ADGRV1: variants seen among roughly 807,000 people sequenced by gnomAD.
ADGRV1 encodes the protein adhesion G protein-coupled receptor V1, also known as G-protein coupled receptor 98.
Under a neutral mutation model 596.2 loss-of-function variants are expected in ADGRV1, and 359 were observed. The ratio of observed to expected loss-of-function variants is 0.60; its 90% CI spans 0.55 to 0.66. The LOEUF (loss-of-function observed/expected upper bound fraction) is 0.66. Among genes scored for constraint, ADGRV1 ranks in the 30% least tolerant of loss-of-function variants. ADGRV1 has a pLI of 0.00. For synonymous variants in ADGRV1, 2,681 were observed against 2,679.2 expected (o/e 1.00, Z -0.02); for missense variants, 7,274 against 7,575.6 (o/e 0.96, Z 1.48).
At chr5:90,897,026 G>A (rs1771394408) in intron 83 of ADGRV1, among the ~76,000 whole-genome samples, 2 of 152,314 alleles carry the variant, frequency 1.3e-5, no homozygotes, top group African/African-American at 4.8e-5. Flanking sequence ...TTTAGGGAGT[G>A]AAGTGATTCT....
chr5:90,835,727 C>G (rs1299712388), intron 77 of ADGRV1, among the ~76,000 whole-genome samples: 1 of 152,158 alleles, frequency 6.6e-6, no homozygotes, highest in Non-Finnish European at 1.5e-5. Flanking sequence ...AAAGAAAAGA[C>G]CCTCCAGCCC....
At chr5:90,577,233 G>A (rs949523183) in intron 1 of ADGRV1, among the ~76,000 whole-genome samples, 3 of 152,036 alleles carry the variant, frequency 2.0e-5, no homozygotes, top group Admixed American at 2.0e-4. Context: ...TTTCTTCTAG[G>A]GTTTTTATGG....
chr5:90,718,712 T>C (rs936247004), intron 43 of ADGRV1, among the ~76,000 whole-genome samples: 10 of 151,948 alleles, frequency 6.6e-5, no homozygotes, highest in African/African-American at 1.2e-4. Context: ...ATATAAAAAT[T>C]CAAATTTGAA....
At chr5:91,009,407 G>A (rs531413985) in intron 85 of ADGRV1, among the ~76,000 whole-genome samples, 182 of 152,200 alleles carry the variant, frequency 1.2e-3, no homozygotes, top group African/African-American at 3.8e-3. Flanking sequence ...ACAAGACAAG[G>A]CAAATAATAC....
chr5:90,983,030 G>A (rs1780207605), intron 84 of ADGRV1, among the ~76,000 whole-genome samples: 1 of 152,102 alleles, frequency 6.6e-6, no homozygotes, highest in Non-Finnish European at 1.5e-5. Flanking sequence ...TTACATTCTA[G>A]TATTTCTAGT....
At chr5:90,960,743 G>A (rs1777934501) in intron 83 of ADGRV1, among the ~76,000 whole-genome samples, 1 of 152,102 alleles carries the variant, frequency 6.6e-6, no homozygotes, top group South Asian at 2.1e-4. Flanking sequence ...TTCAACCTGG[G>A]AAGATGAGAA....
At chr5:91,095,206 AT>A (rs561153977) in intron 86 of ADGRV1, among the ~76,000 whole-genome samples, 207 of 147,248 alleles carry the variant, frequency 1.4e-3, no homozygotes, top group Middle Eastern at 3.5e-3. Flanking sequence ...CAAACCCAGT[AT>A]TTTTTTTTTT....
chr5:90,736,237 T>C (rs1270735079), intron 50 of ADGRV1, among the ~76,000 whole-genome samples: 2 of 152,076 alleles, frequency 1.3e-5, no homozygotes, highest in Non-Finnish European at 2.9e-5. Context: ...GATTATTTGG[T>C]TTTTCTTCTT....
At position 90,628,659 on chromosome 5, in the gene ADGRV1, A is replaced by G; in HGVS notation, c.1336A>G (p.Thr446Ala). The G allele has an allele frequency of 6.2e-7, 1 of 1,614,036 alleles. No homozygotes were observed. The highest frequency in any genetic ancestry group is 8.5e-7 in the Non-Finnish European group (1 of 1,179,886). ...TRNSTDPSPV[T>A]ADIRPSSGVL... ...GAACAGCACTGATCCCTCACCAGTA[A>G]CAGCAGATATCAGACCGAGCTCTGG... The change falls in exon 8 of 90, where the codon ACA (threonine) becomes GCA (alanine). Residue 446 changes from threonine (T) to alanine (A), a missense_variant. Physicochemically the swap from Thr to Ala is moderately conservative, Grantham distance 58. Transcript: ENST00000405460.
chr5:90,732,417 T>C (rs926056353), intron 50 of ADGRV1, among the ~76,000 whole-genome samples: 3 of 152,352 alleles, frequency 2.0e-5, no homozygotes, highest in Middle Eastern at 3.4e-3. Flanking sequence ...ATTTCCTCAA[T>C]TGAGCTAATT....
chr5:90,981,820 C>A (rs1295548381), intron 84 of ADGRV1, among the ~76,000 whole-genome samples: 1 of 152,224 alleles, frequency 6.6e-6, no homozygotes, highest in Non-Finnish European at 1.5e-5. Flanking sequence ...CAGAAGTGCA[C>A]AGGGAGCCTG....
At chr5:90,754,386 A>C (rs1364393083) in intron 54 of ADGRV1, among the ~76,000 whole-genome samples, 8 of 152,224 alleles carry the variant, frequency 5.3e-5, no homozygotes, top group Admixed American at 5.2e-4. Context: ...ATGGACATCC[A>C]GCTTTCAAGT....
chr5:90,640,534 G>A (rs1044575460), intron 11 of ADGRV1, among the ~76,000 whole-genome samples: 3 of 152,156 alleles, frequency 2.0e-5, no homozygotes. Context: ...GGCAGGCACA[G>A]GCGCCTTGGA....
intron 1 of ADGRV1, among the ~76,000 whole-genome samples, chr5:90,581,831 TTTC>T (rs1387255403): frequency 6.6e-6 from 1 of 152,220 alleles, no homozygotes. Context: ...GGCTATTAAG[TTTC>T]TTCTTAACAC....
chr5:90,607,342 G>A (rs1266914994), intron 1 of ADGRV1, among the ~76,000 whole-genome samples: 2 of 152,114 alleles, frequency 1.3e-5, no homozygotes, highest in Non-Finnish European at 2.9e-5. Context: ...ACTGCTGCAG[G>A]AGATCCTTAA....
intron 85 of ADGRV1, among the ~76,000 whole-genome samples, chr5:90,997,295 C>A (rs1020390835): frequency 5.3e-5 from 8 of 152,108 alleles, no homozygotes; most frequent in Non-Finnish European, 1.2e-4. Flanking sequence ...TGGTTTAGCA[C>A]CATCCCCAGA....
chr5:90,880,161 T>C (rs1769618801), intron 83 of ADGRV1, among the ~76,000 whole-genome samples: 1 of 152,180 alleles, frequency 6.6e-6, no homozygotes, highest in Non-Finnish European at 1.5e-5. Context: ...ATCCTCATTT[T>C]ATACTAAATA....
rs1189409116 is a variant in ADGRV1, at chr5:90,756,492, T to C, written c.11619T>C (p.Thr3873=). Residue 3873 remains threonine, a synonymous_variant, in exon 56 of 90, where the codon ACT becomes ACC. Coordinates refer to ENST00000405460, the MANE Select transcript of ADGRV1 (RefSeq NM_032119.4). The part of the protein sequence containing the change: ...LPELEEGFIV[T]ITEVNLVNSD... ...AATTGGAGGAAGGATTTATTGTCAC[T>C]ATCACTGAGGTGAACCTGGTGAACT... 2 of 1,597,428 alleles carry C rather than the reference T, an allele frequency of 1.3e-6. No individual in the cohort carries two copies. The highest frequency in any genetic ancestry group is 2.7e-5 in the African/African-American group (2 of 74,118).
intron 88 of ADGRV1, among the ~76,000 whole-genome samples, chr5:91,151,701 A>C (rs1796075035): frequency 6.6e-6 from 1 of 152,332 alleles, no homozygotes; most frequent in African/African-American, 2.4e-5. Context: ...TTTAAATTTA[A>C]ACTAAAGTTA....
Sources: gnomAD v4.1 joint callset for allele counts (sites outside exome capture counted in the v4.1 genomes callset) on GRCh38, gnomAD v4.1.1 for gene constraint, MANE v1.5 for transcripts, NCBI Gene and HGNC (gene_info 2026-07-23, HGNC 2026-07-21) for gene names.